The following CACNA2D1 variants were observed in gnomAD, a reference collection of about 807,000 sequenced individuals.
CACNA2D1 encodes voltage-dependent calcium channel subunit alpha-2/delta-1.
Under a neutral mutation model 171.5 loss-of-function variants are expected in CACNA2D1, and 53 were observed. That is an observed-to-expected ratio of 0.31 (90% CI 0.25 to 0.39). The LOEUF (loss-of-function observed/expected upper bound fraction) is 0.39. Ranked by LOEUF, CACNA2D1 falls within the 10% of genes least tolerant of loss-of-function variation. The pLI is 1.00. For missense variants in CACNA2D1, 903 were observed against 1,299.8 expected, an observed-to-expected ratio of 0.69 and a Z score of 4.69; for synonymous variants, 442 against 443.1, an observed-to-expected ratio of 1.00 and a Z score of 0.03.
intron 3 of CACNA2D1, among the ~76,000 whole-genome samples, chr7:82,251,810 G>C (rs911266106): frequency 7.9e-5 from 12 of 152,130 alleles, no homozygotes; most frequent in African/African-American, 2.7e-4. Context: ...AGCTTGGAAG[G>C]AGCAGGAGAT....
chr7:82,048,370 C>T (rs938010063), intron 10 of CACNA2D1, among the ~76,000 whole-genome samples: 2 of 151,892 alleles, frequency 1.3e-5, no homozygotes, highest in African/African-American at 4.8e-5. Context: ...GATTACTGAA[C>T]AAAACATTAC....
intron 28 of CACNA2D1, among the ~76,000 whole-genome samples, chr7:81,969,297 A>G: frequency 6.6e-6 from 1 of 151,406 alleles, no homozygotes; most frequent in East Asian, 1.9e-4. Context: ...AGTGAAGTGG[A>G]AAGATTGATC....
intron 3 of CACNA2D1, among the ~76,000 whole-genome samples, chr7:82,204,532 G>C (rs1264740463): frequency 3.3e-5 from 5 of 152,106 alleles, no homozygotes; most frequent in Non-Finnish European, 1.5e-5. Flanking sequence ...TGGGGTGGTT[G>C]CCTGCCATAA....
chr7:82,205,989 C>A (rs1799968033), intron 3 of CACNA2D1, among the ~76,000 whole-genome samples: 1 of 151,872 alleles, frequency 6.6e-6, no homozygotes, highest in African/African-American at 2.4e-5. Flanking sequence ...AAGAAAAAAA[C>A]ACAAGAATGT....
At chr7:82,114,198 AT>A (rs943391299) in intron 6 of CACNA2D1, among the ~76,000 whole-genome samples, 2 of 152,172 alleles carry the variant, frequency 1.3e-5, no homozygotes, top group African/African-American at 2.4e-5. Context: ...TTTTAAAAAA[AT>A]TTTTTAAAAA....
intron 5 of CACNA2D1, among the ~76,000 whole-genome samples, chr7:82,131,061 C>T (rs1260285771): frequency 1.3e-5 from 2 of 152,100 alleles, no homozygotes; most frequent in African/African-American, 4.8e-5. Context: ...CTCAGCCTCC[C>T]AAAGTGCTGG....
At chr7:82,139,513 G>A (rs1384471373) in intron 4 of CACNA2D1, among the ~76,000 whole-genome samples, 1 of 152,052 alleles carries the variant, frequency 6.6e-6, no homozygotes, top group Non-Finnish European at 1.5e-5. Context: ...CTTTCAGAAT[G>A]AGGGTCCATG....
rs1237376693 is a variant in CACNA2D1, at chr7:81,959,799, G to A, written c.2997C>T (p.Thr999=). ...RIFHGEKLMN[T]NLIFIMVESK... The stretch of plus-strand genomic sequence containing the variant: ...TCTCAACCATTATGAATATTAAGTT[G>A]GTGTTCATAAGCTTTTCTCCATGAA... The change falls in exon 37 of 39, where the codon ACC becomes ACT. Residue 999 remains threonine, a synonymous_variant. Transcript: ENST00000356860. 6.2e-7 allele frequency: 1 copy of A among 1,612,276 alleles called. No individual in the cohort carries two copies. Among genetic ancestry groups the A allele is most frequent in the Admixed American group, 1.7e-5 (1 of 59,836 alleles).
intron 2 of CACNA2D1, among the ~76,000 whole-genome samples, chr7:82,347,869 ACTCTT>A (rs1819419095): frequency 6.6e-6 from 1 of 152,078 alleles, no homozygotes; most frequent in African/African-American, 2.4e-5. Flanking sequence ...CAATATCTAT[ACTCTT>A]CTTAGTAATC....
intron 4 of CACNA2D1, among the ~76,000 whole-genome samples, chr7:82,154,324 G>A (rs1794148793): frequency 6.6e-6 from 1 of 152,110 alleles, no homozygotes; most frequent in Admixed American, 6.6e-5. Flanking sequence ...TGTGAGTTTT[G>A]TACGTGTACA....
intron 4 of CACNA2D1, among the ~76,000 whole-genome samples, chr7:82,145,222 A>G (rs1241195687): frequency 6.8e-6 from 1 of 146,966 alleles, no homozygotes; most frequent in Non-Finnish European, 1.5e-5. Flanking sequence ...TGAATTTTAT[A>G]TATATATAAA....
intron 5 of CACNA2D1, among the ~76,000 whole-genome samples, chr7:82,127,633 T>A (rs936600383): frequency 2.0e-5 from 3 of 152,182 alleles, no homozygotes; most frequent in South Asian, 2.1e-4. Context: ...AGAACGCTCA[T>A]AGGAAGGACT....
At chr7:81,987,383 G>T (rs1797079646) in intron 21 of CACNA2D1, among the ~76,000 whole-genome samples, 1 of 152,120 alleles carries the variant, frequency 6.6e-6, no homozygotes, top group South Asian at 2.1e-4. Context: ...CAGATGAATA[G>T]TATAGCCCAG....
At chr7:82,435,854 C>T (rs962715689) in intron 1 of CACNA2D1, among the ~76,000 whole-genome samples, 3 of 152,124 alleles carry the variant, frequency 2.0e-5, no homozygotes, top group Non-Finnish European at 4.4e-5. Context: ...GAGCACTGCT[C>T]ATCCCCTCCT....
chr7:82,442,398 A>C (rs1830572490), intron 1 of CACNA2D1, among the ~76,000 whole-genome samples: 2 of 152,214 alleles, frequency 1.3e-5, no homozygotes, highest in Admixed American at 1.3e-4. Flanking sequence ...AGCTTTAAAG[A>C]AGCTCCAAGA....
chr7:82,322,451 C>CAAAAAA (rs11440104), intron 3 of CACNA2D1, among the ~76,000 whole-genome samples: 5 of 103,894 alleles, frequency 4.8e-5, no homozygotes, highest in East Asian at 2.7e-4. Context: ...CCTGGCTTTA[C>CAAAAAA]AAAAAAAAAA....
intron 4 of CACNA2D1, among the ~76,000 whole-genome samples, chr7:82,143,334 T>C (rs1792612441): frequency 6.6e-6 from 1 of 152,166 alleles, no homozygotes; most frequent in Non-Finnish European, 1.5e-5. Context: ...GTACAGTGCA[T>C]GGCACACAAT....
At chr7:82,274,885 T>TGAAC (rs902416609) in intron 3 of CACNA2D1, among the ~76,000 whole-genome samples, 2 of 151,856 alleles carry the variant, frequency 1.3e-5, no homozygotes, top group Admixed American at 1.3e-4. Context: ...AATGAATGAA[T>TGAAC]GAATAATGGC....
At chr7:81,983,865 T>C (rs1263595079) in intron 22 of CACNA2D1, among the ~76,000 whole-genome samples, 1 of 152,142 alleles carries the variant, frequency 6.6e-6, no homozygotes, top group East Asian at 1.9e-4. Flanking sequence ...AGATGTAAAA[T>C]ATATACGTAT....
Sources: gnomAD v4.1 joint callset for allele counts (sites outside exome capture counted in the v4.1 genomes callset) on GRCh38, gnomAD v4.1.1 for gene constraint, MANE v1.5 for transcripts, NCBI Gene and HGNC (gene_info 2026-07-23, HGNC 2026-07-21) for gene names.